EPB41L2: variants seen among roughly 807,000 people sequenced by gnomAD.
The protein encoded by EPB41L2 is band 4.1-like protein 2.
A neutral mutation model predicts 113.0 loss-of-function variants in EPB41L2; 43 were observed. The observed-to-expected ratio is 0.38, with a 90% confidence interval of 0.30 to 0.49. The LOEUF (loss-of-function observed/expected upper bound fraction) is 0.49, where lower values mean the gene tolerates loss of function less well. EPB41L2 is among the 20% of genes least tolerant of loss of function. The pLI is 0.95. For synonymous variants in EPB41L2, 442 were observed against 436.7 expected, an observed-to-expected ratio of 1.01 and a Z score of -0.15; for missense variants, 1,147 against 1,223.4, an observed-to-expected ratio of 0.94 and a Z score of 0.93.
At chr6:130,948,025 A>G (rs1165283271) in intron 3 of EPB41L2, among the ~76,000 whole-genome samples, 1 of 152,202 alleles carries the variant, frequency 6.6e-6, no homozygotes, top group Non-Finnish European at 1.5e-5. Flanking sequence ...CCATTTTGCT[A>G]TGAACTCAAA....
At chr6:130,876,007 A>G (rs1787448841) in intron 14 of EPB41L2, among the ~76,000 whole-genome samples, 1 of 150,354 alleles carries the variant, frequency 6.7e-6, no homozygotes, top group South Asian at 2.1e-4. Context: ...AAGAAGAAAG[A>G]AAAAAAAGAA....
At chr6:130,972,208 C>A (rs891034258) in intron 1 of EPB41L2, among the ~76,000 whole-genome samples, 5 of 151,484 alleles carry the variant, frequency 3.3e-5, no homozygotes, top group Non-Finnish European at 7.4e-5. Flanking sequence ...CCTGTGGTCC[C>A]AGCTACTCAG....
chr6:130,875,959 C>T lies in EPB41L2; in HGVS notation c.2043+2145G>A, dbSNP rs143938378. Among the ~76,000 whole-genome samples, 50 of 144,238 alleles carry T rather than the reference C, an allele frequency of 3.5e-4. No homozygotes were observed. The East Asian group carries it at 8.4e-3, about 24-fold the overall frequency. The allele number at this position is 144,238 out of a possible 152,430, so 94.6% of individuals were successfully genotyped here. On this transcript the variant is annotated intron_variant, in intron 14 of 19. Transcript: ENST00000337057. ...AAGATCATGCCATTGCACTCCAGCC[C>T]GGGCGAATGTGCAAGAGTGCATCTC...
At chr6:130,845,643 C>T (rs1036471070) in intron 19 of EPB41L2, among the ~76,000 whole-genome samples, 1 of 152,170 alleles carries the variant, frequency 6.6e-6, no homozygotes, top group South Asian at 2.1e-4. Flanking sequence ...AACCTCCCAA[C>T]GTGTTCGGAT....
chr6:130,878,410 C>A, intron 13 of EPB41L2, 160 bp from the exon 14 acceptor site: 1 of 705,444 alleles, frequency 1.4e-6, no homozygotes, highest in Admixed American at 3.7e-5. Context: ...ATATTATTAT[C>A]TATGAGTAAG....
intron 1 of EPB41L2, chr6:131,015,984 T>C (rs1788096036): frequency 6.6e-6 from 1 of 152,206 alleles, no homozygotes. Context: ...ACATTTGGCT[T>C]CAATAAAGCC....
chr6:130,890,754 A>C (rs904985365), intron 10 of EPB41L2, among the ~76,000 whole-genome samples: 3 of 152,210 alleles, frequency 2.0e-5, no homozygotes, highest in African/African-American at 7.2e-5. Flanking sequence ...TATTTGTATT[A>C]GCTTAAATCA....
intron 1 of EPB41L2, among the ~76,000 whole-genome samples, chr6:130,979,607 T>C (rs1039125820): frequency 6.6e-6 from 1 of 151,630 alleles, no homozygotes; most frequent in Non-Finnish European, 1.5e-5. Flanking sequence ...AAATATTTAA[T>C]GGATAAAATG....
intron 1 of EPB41L2, among the ~76,000 whole-genome samples, chr6:131,009,682 A>G (rs1291189354): frequency 6.6e-6 from 1 of 152,118 alleles, no homozygotes; most frequent in Non-Finnish European, 1.5e-5. Flanking sequence ...CCAAAAAAAA[A>G]AAACCAAACT....
intron 1 of EPB41L2, among the ~76,000 whole-genome samples, chr6:131,053,189 C>T (rs1021735799): frequency 3.3e-5 from 5 of 151,744 alleles, no homozygotes; most frequent in Non-Finnish European, 7.4e-5. Context: ...AATCACCGTG[C>T]CCAGCAAGTA....
At chr6:131,033,246 AGAAG>A (rs2128752485) in intron 1 of EPB41L2, among the ~76,000 whole-genome samples, 1 of 152,270 alleles carries the variant, frequency 6.6e-6, no homozygotes, top group African/African-American at 2.4e-5. Flanking sequence ...AGAGAAAGAA[AGAAG>A]GGAGGGAGGG....
chr6:130,962,218 T>C (rs1393215495), intron 1 of EPB41L2, among the ~76,000 whole-genome samples: 1 of 151,876 alleles, frequency 6.6e-6, no homozygotes, highest in Non-Finnish European at 1.5e-5. Context: ...AAAGAGGTGA[T>C]GCTTCTCAAA....
At chr6:130,940,351 C>T (rs1057020075) in intron 3 of EPB41L2, among the ~76,000 whole-genome samples, 3 of 152,030 alleles carry the variant, frequency 2.0e-5, no homozygotes, top group African/African-American at 7.2e-5. Context: ...ATATTAAAAC[C>T]TTTTCTTTCT....
intron 4 of EPB41L2, among the ~76,000 whole-genome samples, chr6:130,914,135 A>G (rs941265287): frequency 4.6e-5 from 7 of 152,192 alleles, no homozygotes; most frequent in Admixed American, 4.6e-4. Context: ...TCAAACACAA[A>G]ATGGGGATCA....
intron 14 of EPB41L2, among the ~76,000 whole-genome samples, chr6:130,871,800 T>C (rs1785780672): frequency 1.3e-5 from 2 of 152,240 alleles, no homozygotes; most frequent in South Asian, 4.1e-4. Flanking sequence ...TGACTACATA[T>C]AATAAACATA....
At position 130,878,228 on chromosome 6, in the gene EPB41L2, T is replaced by C. The variant is rs1374397500; in HGVS notation, c.1919A>G (p.Asp640Gly). ...MLEELDKAQEDILKHQASISE... is the reference protein window; with the variant it reads ...MLEELDKAQEGILKHQASISE... ...AATGCTAGCCTGATGTTTCAGTATG[T>C]CCTCCTGGGCCTTATCCAGTTCCTA... Residue 640 changes from aspartate (D) to glycine (G), a missense_variant, in exon 14 of 20, where the codon GAC (aspartate) becomes GGC (glycine). Transcript: ENST00000337057. 8.1e-6 allele frequency: 13 copies of C among 1,612,656 alleles called. No homozygotes were observed. The highest frequency in any genetic ancestry group is 1.1e-5 in the Non-Finnish European group (13 of 1,179,560).
intron 19 of EPB41L2, among the ~76,000 whole-genome samples, chr6:130,853,651 G>C (rs900917843): frequency 2.6e-5 from 4 of 152,066 alleles, no homozygotes; most frequent in Non-Finnish European, 5.9e-5. Context: ...TGGGAGGTTC[G>C]TCCTCTGCAG....
chr6:130,875,142 T>TTAA (rs1787106603), intron 14 of EPB41L2, among the ~76,000 whole-genome samples: 2 of 152,222 alleles, frequency 1.3e-5, no homozygotes. Context: ...TTATTTCTAC[T>TTAA]TATTTTGCCT....
At chr6:130,903,691 A>G (rs1796929276) in intron 6 of EPB41L2, among the ~76,000 whole-genome samples, 1 of 151,972 alleles carries the variant, frequency 6.6e-6, no homozygotes, top group African/African-American at 2.4e-5. Flanking sequence ...AAAAAAATCA[A>G]CCCTTTATAC....
Sources: allele counts gnomAD v4.1 joint callset (sites outside exome capture counted in the v4.1 genomes callset), GRCh38; gene constraint gnomAD v4.1.1; transcripts MANE v1.5; gene names NCBI Gene and HGNC (gene_info 2026-07-23, HGNC 2026-07-21).